The following PCSK5 variants were observed in gnomAD, a reference collection of about 807,000 sequenced individuals.
PCSK5 encodes the protein prohormone convertase 5.
A neutral mutation model predicts 233.2 loss-of-function variants in PCSK5; 129 were observed. The observed-to-expected ratio is 0.55, with a 90% CI of 0.48 to 0.64. PCSK5 has a LOEUF of 0.64. Among genes scored for constraint, PCSK5 ranks in the 30% least tolerant of loss-of-function variants. The pLI is 0.00. For synonymous variants in PCSK5, 825 were observed against 879.2 expected (o/e 0.94, Z 1.09); for missense variants, 2,076 against 2,430.1 (o/e 0.85, Z 3.06).
intron 20 of PCSK5, chr9:76,193,313 T>C: frequency 6.2e-7 from 1 of 1,612,926 alleles, no homozygotes; most frequent in Non-Finnish European, 8.5e-7. Flanking sequence ...GGAAGGTTCT[T>C]CAACAACTTT....
chr9:75,957,487 T>C (rs1340502), intron 2 of PCSK5, among the ~76,000 whole-genome samples: 113,488 of 151,982 alleles, frequency 0.75, 42,415 homozygotes, highest in East Asian at 0.84. Flanking sequence ...TAGCAAAGAA[T>C]CAGAAGTTGT....
chr9:75,984,557 C>A (rs1351257411), intron 2 of PCSK5, among the ~76,000 whole-genome samples: 1 of 152,148 alleles, frequency 6.6e-6, no homozygotes, highest in Non-Finnish European at 1.5e-5. Context: ...ATAAGGATTA[C>A]AAGTTGCATA....
intron 20 of PCSK5, among the ~76,000 whole-genome samples, chr9:76,203,695 A>C (rs905326699): frequency 2.0e-5 from 3 of 152,136 alleles, no homozygotes; most frequent in Admixed American, 2.0e-4. Flanking sequence ...ACTGTGAGTT[A>C]GTGAAGGGGT....
intron 27 of PCSK5, among the ~76,000 whole-genome samples, chr9:76,301,762 T>C (rs1470965684): frequency 6.6e-6 from 1 of 152,108 alleles, no homozygotes; most frequent in East Asian, 1.9e-4. Flanking sequence ...GAGAATCGCT[T>C]GAACCTGGGA....
At chr9:76,080,415 T>G (rs1352422395) in intron 7 of PCSK5, among the ~76,000 whole-genome samples, 1 of 152,236 alleles carries the variant, frequency 6.6e-6, no homozygotes, top group Non-Finnish European at 1.5e-5. Flanking sequence ...TCTTCGATGC[T>G]TGTACCCAAG....
intron 24 of PCSK5, among the ~76,000 whole-genome samples, chr9:76,271,839 G>A (rs1264536859): frequency 6.6e-6 from 1 of 152,130 alleles, no homozygotes; most frequent in Non-Finnish European, 1.5e-5. Flanking sequence ...GCTGCTGGCA[G>A]TCCTTGGCAT....
chr9:76,315,291 AAACTT>A (rs1448150992), intron 30 of PCSK5, among the ~76,000 whole-genome samples: 1 of 152,166 alleles, frequency 6.6e-6, no homozygotes, highest in African/African-American at 2.4e-5. Context: ...AAGCAACAGA[AAACTT>A]AAGGTGGACT....
intron 1 of PCSK5, among the ~76,000 whole-genome samples, chr9:75,905,770 C>G (rs1408939402): frequency 6.6e-6 from 1 of 152,086 alleles, no homozygotes; most frequent in Non-Finnish European, 1.5e-5. Context: ...TGTGAGGGAT[C>G]TAGGTTGCGT....
intron 1 of PCSK5, among the ~76,000 whole-genome samples, chr9:75,923,089 T>G (rs1244588778): frequency 6.6e-6 from 1 of 152,170 alleles, no homozygotes; most frequent in Non-Finnish European, 1.5e-5. Context: ...CAAAACCCTT[T>G]GAGTAAGTTT....
chr9:75,978,047 G>GT (rs1826106103), intron 2 of PCSK5, among the ~76,000 whole-genome samples: 1 of 152,068 alleles, frequency 6.6e-6, no homozygotes, highest in Admixed American at 6.5e-5. Flanking sequence ...AATCATCCTT[G>GT]TGCTACCATC....
intron 5 of PCSK5, among the ~76,000 whole-genome samples, chr9:76,057,851 T>G (rs1829878095): frequency 6.8e-6 from 1 of 146,230 alleles, no homozygotes; most frequent in Non-Finnish European, 1.5e-5. Flanking sequence ...TTTTTTTTTT[T>G]TTTTTGAGAC....
intron 9 of PCSK5, among the ~76,000 whole-genome samples, chr9:76,113,491 C>T (rs956671931): frequency 1.3e-4 from 20 of 152,138 alleles, no homozygotes; most frequent in Non-Finnish European, 2.1e-4. Flanking sequence ...TCTCTCTTAC[C>T]TACATGTTTC....
chr9:76,216,278 A>T (rs1825529138), intron 20 of PCSK5, among the ~76,000 whole-genome samples: 1 of 152,158 alleles, frequency 6.6e-6, no homozygotes, highest in Admixed American at 6.5e-5. Flanking sequence ...TAGAGCCTTG[A>T]AAGGAGATAT....
At position 76,257,464 on chromosome 9, in the gene PCSK5, C is replaced by T. The variant is rs182580467; in HGVS notation, c.3142+16780C>T. Among the ~76,000 whole-genome samples the T allele has an allele frequency of 5.6e-3, 847 of 152,296 alleles. 10 individuals are homozygous for T. The highest frequency in any genetic ancestry group is 0.017 in the African/African-American group (709 of 41,548). On this transcript the variant is annotated intron_variant, in intron 24 of 37. Transcript: ENST00000674117. Reference sequence around the variant, plus strand: ...GTGTCAGTAAATTGCCTCTGCACCTCTAGAGCCTGAAATTCCTGCTTTCCA... The same window carrying T: ...GTGTCAGTAAATTGCCTCTGCACCTTTAGAGCCTGAAATTCCTGCTTTCCA...
intron 5 of PCSK5, among the ~76,000 whole-genome samples, chr9:76,033,470 A>G (rs1183371310): frequency 6.6e-6 from 1 of 152,152 alleles, no homozygotes; most frequent in Non-Finnish European, 1.5e-5. Context: ...CATCTACAGT[A>G]TACTACATAG....
At chr9:76,219,052 G>A (rs1477282806) in intron 20 of PCSK5, among the ~76,000 whole-genome samples, 5 of 152,270 alleles carry the variant, frequency 3.3e-5, no homozygotes, top group Middle Eastern at 6.8e-3. Context: ...AATGAGAACC[G>A]GTGAAAGACT....
At chr9:76,293,231 A>G (rs1317152950) in intron 25 of PCSK5, among the ~76,000 whole-genome samples, 1 of 152,236 alleles carries the variant, frequency 6.6e-6, no homozygotes, top group Non-Finnish European at 1.5e-5. Context: ...AAACAAATAC[A>G]CTTGAAATGT....
intron 8 of PCSK5, among the ~76,000 whole-genome samples, chr9:76,101,032 C>A (rs955345482): frequency 6.6e-6 from 1 of 152,190 alleles, no homozygotes; most frequent in Non-Finnish European, 1.5e-5. Context: ...TAGAGGCACA[C>A]CCCTCCACCA....
At chr9:76,356,703 A>C (rs1830312296) in intron 37 of PCSK5, among the ~76,000 whole-genome samples, 1 of 152,050 alleles carries the variant, frequency 6.6e-6, no homozygotes, top group Non-Finnish European at 1.5e-5. Context: ...GATAAAATAG[A>C]AAACTTCTTT....
Sources: allele counts gnomAD v4.1 joint callset (sites outside exome capture counted in the v4.1 genomes callset), GRCh38; gene constraint gnomAD v4.1.1; transcripts MANE v1.5; gene names NCBI Gene and HGNC (gene_info 2026-07-23, HGNC 2026-07-21).